The following AGPAT3 variants were observed in gnomAD, a reference collection of about 807,000 sequenced individuals.
AGPAT3 encodes 1-acyl-sn-glycerol-3-phosphate acyltransferase gamma.
In AGPAT3, 5 loss-of-function variants were observed where a neutral mutation model predicts 47.3. The ratio of observed to expected loss-of-function variants is 0.11; its 90% CI spans 0.06 to 0.22. The LOEUF (loss-of-function observed/expected upper bound fraction) is 0.22, where lower values mean the gene tolerates loss of function less well. Among genes scored for constraint, AGPAT3 ranks in the 10% least tolerant of loss-of-function variants. The pLI is 1.00. For missense variants in AGPAT3, 315 were observed against 493.0 expected (o/e 0.64, Z 3.42); for synonymous variants, 212 against 208.3 (o/e 1.02, Z -0.15).
intron 2 of AGPAT3, among the ~76,000 whole-genome samples, chr21:43,959,083 G>GTGTGTGTGGCATGTGTGTGGTTTGCA (rs1555909856): frequency 1.4e-4 from 7 of 50,282 alleles, no homozygotes; most frequent in Admixed American, 2.2e-4. Context: ...TGTGGTTTGT[G>GTGTGTGTGGCATGTGTGTGGTTTGCA]GTGTGTGTGT....
At position 43,930,090 on chromosome 21, in the gene AGPAT3, G is replaced by A. The variant is rs1237240147; in HGVS notation, c.-49+26071G>A. Reference sequence around the variant, plus strand: ...GTACATCATCCAGCCCCGTTTTCACGTTCAGGAAGTCACGAATCCACAGTG... The same window carrying A: ...GTACATCATCCAGCCCCGTTTTCACATTCAGGAAGTCACGAATCCACAGTG... On this transcript the variant is annotated intron_variant, in intron 2 of 9. Coordinates refer to ENST00000291572, the MANE Select transcript of AGPAT3 (RefSeq NM_020132.5). The surrounding 1 kb of genome is among the most constrained non-coding windows in gnomAD (Gnocchi z 5.0). Among the ~76,000 whole-genome samples the A allele has an allele frequency of 3.3e-5, 5 of 152,208 alleles. No homozygotes were observed. The highest frequency in any genetic ancestry group is 2.1e-4 in the South Asian group (1 of 4,834).
chr21:43,933,267 C>T lies in AGPAT3; in HGVS notation c.-48-26367C>T, dbSNP rs1478631473. On this transcript the variant is annotated intron_variant, in intron 2 of 9. Transcript: ENST00000291572. This position sits in a 1 kb window ranked among gnomAD's most constrained non-coding sequence, Gnocchi z 6.0. ...TTGCTTTCTTGCTATTGAGTCTGAG[C>T]CCCTTTACCCTGTGGATGCTGGGCC... 6.6e-6 allele frequency among the ~76,000 whole-genome samples: 1 copy of T among 152,068 alleles called. No individual in the cohort carries two copies. The highest frequency in any genetic ancestry group is 2.4e-5 in the African/African-American group (1 of 41,390).
chr21:43,982,564 A>G lies in AGPAT3; in HGVS notation c.*172A>G. 5.6e-6 allele frequency: 3 copies of G among 536,438 alleles called. No homozygotes were observed. The highest frequency in any genetic ancestry group is 9.9e-6 in the Non-Finnish European group (3 of 303,324). 33.2% of individuals were successfully genotyped at this position (536,438 alleles called of 1,614,324 possible). On this transcript the variant is annotated 3_prime_UTR_variant, in exon 10 of 10. Transcript: ENST00000291572. The surrounding 1 kb of genome is among the most constrained non-coding windows in gnomAD (Gnocchi z 6.2). ...AGAATTCAGAAGGCCTGTCAGGTGA[A>G]GTCTTCAGCCTCCCACAGCGCAGGG...
intron 2 of AGPAT3, among the ~76,000 whole-genome samples, chr21:43,949,677 C>T (rs780848778): frequency 4.8e-4 from 73 of 152,312 alleles, no homozygotes; most frequent in Admixed American, 9.8e-4. Flanking sequence ...CCTGGTCACA[C>T]GGGGTTTTTC....
chr21:43,935,200 T>C (rs544361943), intron 2 of AGPAT3, among the ~76,000 whole-genome samples: 23 of 152,352 alleles, frequency 1.5e-4, no homozygotes, highest in Admixed American at 2.6e-4. Flanking sequence ...CGCTTTGCTG[T>C]GCGGGCATCG....
At chr21:43,962,340 T>G (rs1186160871) in intron 3 of AGPAT3, among the ~76,000 whole-genome samples, 5 of 152,216 alleles carry the variant, frequency 3.3e-5, no homozygotes, top group African/African-American at 1.2e-4. Context: ...TGCTGCTTTT[T>G]TCTGTGGGAA....
At chr21:43,895,482 C>T (rs1411945746) in intron 1 of AGPAT3, among the ~76,000 whole-genome samples, 1 of 149,442 alleles carries the variant, frequency 6.7e-6, no homozygotes, top group East Asian at 2.0e-4. Flanking sequence ...ACTGTTTAGG[C>T]TGCGTCAGCC....
At chr21:43,944,322 G>C (rs950130552) in intron 2 of AGPAT3, among the ~76,000 whole-genome samples, 1 of 152,374 alleles carries the variant, frequency 6.6e-6, no homozygotes, top group Admixed American at 6.5e-5. Flanking sequence ...CTGGGCAGGG[G>C]CCACACGTCC....
intron 2 of AGPAT3, among the ~76,000 whole-genome samples, chr21:43,949,539 C>A (rs566749309): frequency 6.6e-6 from 1 of 152,338 alleles, no homozygotes; most frequent in East Asian, 1.9e-4. Context: ...CCAATCCCAC[C>A]ACATTCTATT....
Position 43,982,223 on chromosome 21 carries a change from AG to A in AGPAT3, c.1043-79del. On this transcript the variant is annotated intron_variant, in intron 9 of 9. Coordinates refer to ENST00000291572, the MANE Select transcript of AGPAT3 (RefSeq NM_020132.5). This position sits in a 1 kb window ranked among gnomAD's most constrained non-coding sequence, Gnocchi z 6.2. ...GAGGGACAGGGTCTGGGGCAGAGGA[AG>A]GAAGCCCCAGTAACACGTTTTACAG... 1 of 1,036,020 alleles carries A rather than the reference AG, an allele frequency of 9.7e-7. No individual in the cohort carries two copies. The allele number at this position is 1,036,020 out of a possible 1,614,324, so 64.2% of individuals were successfully genotyped here. A position where few individuals can be genotyped will look rare whatever the true frequency, so the allele number is the denominator to read the frequency against.
rs117327317 is a variant in AGPAT3, at chr21:43,914,346, T to G, written c.-49+10327T>G. Among the ~76,000 whole-genome samples, 741 of 152,346 alleles carry G rather than the reference T, an allele frequency of 4.9e-3. 3 individuals carry two copies. The highest frequency in any genetic ancestry group is 7.8e-3 in the Non-Finnish European group (532 of 68,034). On this transcript the variant is annotated intron_variant, in intron 2 of 9. Transcript: ENST00000291572. ...TAAAGGGATTGGGACGTCTTCCTTC[T>G]TTATGTTCTGGGAAAGTTTAATTAA... is the stretch of plus-strand genomic sequence containing the variant.
chr21:43,977,208 G>A (rs1350433167), intron 7 of AGPAT3, among the ~76,000 whole-genome samples: 2 of 152,172 alleles, frequency 1.3e-5, no homozygotes, highest in Non-Finnish European at 2.9e-5. Context: ...ATAAATGAGT[G>A]TCCAGACAGA....
chr21:43,917,281 T>G lies in AGPAT3; in HGVS notation c.-49+13262T>G, dbSNP rs1423205429. On this transcript the variant is annotated intron_variant, in intron 2 of 9. Transcript: ENST00000291572. ...GAGCCTGTTGCCGGCGCGGTCCCGC[T>G]GCTCCTCCTTCTGCTGCCCTGCACT... Among the ~76,000 whole-genome samples the G allele has an allele frequency of 2.0e-5, 3 of 151,470 alleles. No individual in the cohort carries two copies. The East Asian group carries it at 5.9e-4, about 30-fold the overall frequency.
At chr21:43,886,544 A>T (rs1352453906) in intron 1 of AGPAT3, among the ~76,000 whole-genome samples, 1 of 152,178 alleles carries the variant, frequency 6.6e-6, no homozygotes, top group East Asian at 1.9e-4. Context: ...GAGCCATCAC[A>T]CCTGGCCAAA....
intron 1 of AGPAT3, among the ~76,000 whole-genome samples, chr21:43,872,182 T>G (rs1355243777): frequency 6.6e-6 from 1 of 151,886 alleles, no homozygotes; most frequent in Non-Finnish European, 1.5e-5. Context: ...AATGGTGTTT[T>G]TTTTTTTTTT....
At chr21:43,935,966 G>A (rs1224804023) in intron 2 of AGPAT3, among the ~76,000 whole-genome samples, 2 of 152,242 alleles carry the variant, frequency 1.3e-5, no homozygotes. Flanking sequence ...TCGGAAGCCA[G>A]AGTGTAGAAC....
At chr21:43,966,433 A>G (rs1297608048) in intron 3 of AGPAT3, 3 of 152,290 alleles carry the variant, frequency 2.0e-5, no homozygotes, top group South Asian at 4.2e-4. Flanking sequence ...TCTTCTCCCC[A>G]CACGCAGGAT....
intron 2 of AGPAT3, among the ~76,000 whole-genome samples, chr21:43,918,551 G>A (rs1217433218): frequency 6.6e-6 from 1 of 151,352 alleles, no homozygotes; most frequent in Non-Finnish European, 1.5e-5. Context: ...TTAGCTTTGT[G>A]TGTCTCTGTA....
Position 43,939,094 on chromosome 21 carries a change from G to A in AGPAT3, c.-48-20540G>A, listed in dbSNP as rs2087554731. Among the ~76,000 whole-genome samples, 1 of 152,226 alleles carries A rather than the reference G, an allele frequency of 6.6e-6. No homozygotes were observed. On this transcript the variant is annotated intron_variant, in intron 2 of 9. Transcript: ENST00000291572. This position sits in a 1 kb window ranked among gnomAD's most constrained non-coding sequence, Gnocchi z 4.4. The stretch of plus-strand genomic sequence containing the variant: ...ACGGGGCTGCGACCAGGCTAGGGGA[G>A]CATCCTGGGCAAACCCTGCTGGGGA...
Sources: allele counts gnomAD v4.1 joint callset (sites outside exome capture counted in the v4.1 genomes callset), GRCh38; gene constraint gnomAD v4.1.1; non-coding constraint Gnocchi (gnomAD v3.1); transcripts MANE v1.5; gene names NCBI Gene and HGNC (gene_info 2026-07-23, HGNC 2026-07-21).